The following SS18 variants were observed in gnomAD, a reference collection of about 807,000 sequenced individuals.
SS18 encodes the protein SS18 subunit of BAF chromatin remodeling complex, also known as protein SSXT.
In SS18, 28 loss-of-function variants were observed where a neutral mutation model predicts 72.5. The observed-to-expected ratio is 0.39, with a 90% CI of 0.29 to 0.53. SS18 has a LOEUF of 0.53. Ranked by LOEUF, SS18 falls within the 20% of genes least tolerant of loss-of-function variation. SS18 has a pLI of 0.76. For missense variants in SS18, 518 were observed against 535.3 expected (o/e 0.97, Z 0.32); for synonymous variants, 172 against 164.2 (o/e 1.05, Z -0.37).
intron 5 of SS18, among the ~76,000 whole-genome samples, chr18:26,047,658 G>A (rs952777591): frequency 2.8e-4 from 42 of 152,000 alleles, no homozygotes; most frequent in African/African-American, 8.9e-4. Flanking sequence ...TGGCTAACAC[G>A]GTGAAACCCC....
chr18:26,057,232 T>A (rs1233984769), intron 4 of SS18, among the ~76,000 whole-genome samples: 1 of 152,160 alleles, frequency 6.6e-6, no homozygotes, highest in Admixed American at 6.5e-5. Flanking sequence ...AAATAAAAAC[T>A]CAGGGAAATG....
At chr18:26,078,376 T>C (rs1170519078) in intron 2 of SS18, 1 of 394,582 alleles carries the variant, frequency 2.5e-6, no homozygotes, top group Non-Finnish European at 4.5e-6. Context: ...AATAGTGTTA[T>C]AATTTTTTAT....
At chr18:26,043,669 T>G (rs1177456242) in intron 5 of SS18, among the ~76,000 whole-genome samples, 3 of 152,158 alleles carry the variant, frequency 2.0e-5, no homozygotes, top group Non-Finnish European at 2.9e-5. Context: ...TAGTAGTTAA[T>G]AAGATGTTTA....
chr18:26,032,306 G>A, intron 10 of SS18, 93 bp downstream of exon 10: 2 of 1,440,360 alleles, frequency 1.4e-6, no homozygotes, highest in Non-Finnish European at 9.5e-7. Flanking sequence ...AGGGAAACAT[G>A]AGGCTTCAAG....
chr18:26,022,397 G>A (rs1055881036), intron 10 of SS18, among the ~76,000 whole-genome samples: 7 of 150,886 alleles, frequency 4.6e-5, no homozygotes, highest in African/African-American at 1.7e-4. Context: ...ATTAATGCAT[G>A]TTTCTATTCA....
At position 26,066,407 on chromosome 18, in the gene SS18, G is replaced by A. The variant is rs577825924; in HGVS notation, c.232-8665C>T. On this transcript the variant is annotated intron_variant, in intron 3 of 10. Transcript: ENST00000415083. The stretch of plus-strand genomic sequence containing the variant: ...TCACATCTCCATTTGAAGTCTATCA[G>A]ACATGAAATCTCTGATATTTCCCTT... Among the ~76,000 whole-genome samples, 311 of 152,140 alleles carry A rather than the reference G, an allele frequency of 2.0e-3. 1 individual carries two copies. Among genetic ancestry groups the A allele is most frequent in the African/African-American group, 7.3e-3 (305 of 41,506 alleles).
chr18:26,019,243 T>C (rs1460413294), intron 10 of SS18, among the ~76,000 whole-genome samples: 5 of 152,174 alleles, frequency 3.3e-5, no homozygotes, highest in Non-Finnish European at 4.4e-5. Flanking sequence ...TTATTACAAA[T>C]TTCTTAAATG....
chr18:26,059,067 T>C (rs961607775), intron 3 of SS18, among the ~76,000 whole-genome samples: 1 of 152,226 alleles, frequency 6.6e-6, no homozygotes, highest in African/African-American at 2.4e-5. Context: ...TCACTCTTAA[T>C]AGTGAGGTCA....
chr18:26,064,040 G>A (rs1179773728), intron 3 of SS18, among the ~76,000 whole-genome samples: 2 of 152,038 alleles, frequency 1.3e-5, no homozygotes, highest in Non-Finnish European at 2.9e-5. Context: ...TTATGATAAT[G>A]TATTTAATAA....
chr18:26,039,188 A>G (rs866998614), intron 6 of SS18, 101 bp downstream of exon 6: 11,835 of 912,120 alleles, frequency 0.013, 193 homozygotes, highest in Middle Eastern at 0.015. Context: ...AAAAAAAAAA[A>G]AAAAAAAGAA....
chr18:26,044,454 G>C (rs2053784971), intron 5 of SS18, among the ~76,000 whole-genome samples: 1 of 151,288 alleles, frequency 6.6e-6, no homozygotes, highest in African/African-American at 2.4e-5. Context: ...CACCCGAGAA[G>C]CTGAGACTGC....
At chr18:26,025,529 G>C (rs1359258737) in intron 10 of SS18, among the ~76,000 whole-genome samples, 4 of 151,492 alleles carry the variant, frequency 2.6e-5, no homozygotes, top group Admixed American at 2.6e-4. Flanking sequence ...AAATGAGAGA[G>C]GTAATATCAC....
chr18:26,064,845 T>G (rs571427388), intron 3 of SS18: 3 of 151,998 alleles, frequency 2.0e-5, no homozygotes, highest in Non-Finnish European at 4.4e-5. Flanking sequence ...GATGACATAA[T>G]TAAGTGCATA....
At chr18:26,058,598 G>C (rs2054066215) in intron 3 of SS18, among the ~76,000 whole-genome samples, 1 of 152,184 alleles carries the variant, frequency 6.6e-6, no homozygotes, top group Non-Finnish European at 1.5e-5. Flanking sequence ...AAAATGGCCA[G>C]TTACTGTATG....
At chr18:26,043,286 C>A (rs541789120) in intron 5 of SS18, among the ~76,000 whole-genome samples, 7 of 152,190 alleles carry the variant, frequency 4.6e-5, no homozygotes, top group African/African-American at 1.7e-4. Flanking sequence ...TTTCCCATGC[C>A]ACTATCTCCC....
At chr18:26,078,620 T>G (rs981694594) in intron 2 of SS18, among the ~76,000 whole-genome samples, 1 of 152,194 alleles carries the variant, frequency 6.6e-6, no homozygotes, top group African/African-American at 2.4e-5. Context: ...GCACAGTGGC[T>G]CACACCTGTA....
chr18:26,074,039 T>C (rs1362724214), intron 3 of SS18, among the ~76,000 whole-genome samples: 1 of 152,152 alleles, frequency 6.6e-6, no homozygotes, highest in Non-Finnish European at 1.5e-5. Context: ...GACCTTGAGC[T>C]TGACAGCATC....
chr18:26,021,369 G>C (rs1039020376), intron 10 of SS18, among the ~76,000 whole-genome samples: 6 of 152,164 alleles, frequency 3.9e-5, no homozygotes, highest in Non-Finnish European at 8.8e-5. Context: ...AACTACTCAA[G>C]TACTCATTAA....
chr18:26,088,053 A>G (rs2054647431), intron 1 of SS18, among the ~76,000 whole-genome samples: 2 of 152,168 alleles, frequency 1.3e-5, no homozygotes, highest in South Asian at 4.1e-4. Flanking sequence ...TTTAATATAT[A>G]TGACAGCTCA....
Sources: allele counts gnomAD v4.1 joint callset (sites outside exome capture counted in the v4.1 genomes callset), GRCh38; gene constraint gnomAD v4.1.1; transcripts MANE v1.5; gene names NCBI Gene and HGNC (gene_info 2026-07-23, HGNC 2026-07-21).